Variants in TBC1D30 observed in about 807,000 individuals in gnomAD.
TBC1D30 encodes TBC1 domain family, member 30.
In TBC1D30, 31 loss-of-function variants were observed where a neutral mutation model predicts 63.2. That is an observed-to-expected ratio of 0.49 (90% confidence interval 0.37 to 0.66). TBC1D30 has a LOEUF of 0.66. Among genes scored for constraint, TBC1D30 ranks in the 30% least tolerant of loss-of-function variants. The pLI, the probability that TBC1D30 is intolerant of heterozygous loss-of-function variation, is 0.00. For synonymous variants in TBC1D30, 307 were observed against 361.5 expected (o/e 0.85, Z 1.71); for missense variants, 810 against 953.6 (o/e 0.85, Z 1.98).
intron 11 of TBC1D30, among the ~76,000 whole-genome samples, chr12:64,874,061 C>T (rs1239213290): frequency 1.3e-5 from 2 of 152,158 alleles, no homozygotes; most frequent in East Asian, 1.9e-4. Context: ...ATAATGCCAT[C>T]GACAGTGCCT....
At chr12:64,822,619 C>T (rs1353956599), upstream of TBC1D30, among the ~76,000 whole-genome samples, 2 of 151,966 alleles carry the variant, frequency 1.3e-5, no homozygotes, top group East Asian at 3.9e-4. Flanking sequence ...CCACCTCAGC[C>T]TCCTGAGTAG....
Position 64,877,566 on chromosome 12 carries a change from G to C in TBC1D30, c.*1778G>C, listed in dbSNP as rs1354673504. 1 of 152,124 alleles carries C rather than the reference G, an allele frequency of 6.6e-6. No individual in the cohort carries two copies. The highest frequency in any genetic ancestry group is 1.9e-4 in the East Asian group (1 of 5,198). The allele number at this position is 152,124 out of a possible 1,614,324, so 9.4% of individuals were successfully genotyped here. A position where few individuals can be genotyped will look rare whatever the true frequency, so the allele number is the denominator to read the frequency against. On this transcript the variant is annotated 3_prime_UTR_variant, in exon 12 of 12. Coordinates refer to ENST00000539867, the MANE Select transcript of TBC1D30 (RefSeq NM_015279.2). ...TGACTAATAAGTTATTGCAGTTTTGGTCTTGAATTCTGTGCCATCTGAAGT... is the reference window on the plus strand; with the variant it reads ...TGACTAATAAGTTATTGCAGTTTTGCTCTTGAATTCTGTGCCATCTGAAGT...
exon 1 of TBC1D30, chr12:64,759,492 C>G (rs949678791): frequency 7.7e-6 from 4 of 522,468 alleles, no homozygotes; most frequent in Non-Finnish European, 1.3e-5. Flanking sequence ...GTGGGCGGGG[C>G]TGCGGACTGG....
Position 64,830,516 on chromosome 12 carries a change from A to G in TBC1D30, c.408+14A>G. On this transcript the variant is annotated intron_variant, in intron 4 of 11. Transcript: ENST00000539867. ...CAGATAGTCAAGGTAATGCCCCTGA[A>G]CTTGGCCTGTCATCCTAATATAGAA... is the stretch of plus-strand genomic sequence containing the variant. 6.6e-7 allele frequency: 1 copy of G among 1,518,772 alleles called. No individual in the cohort carries two copies. The highest frequency in any genetic ancestry group is 8.8e-7 in the Non-Finnish European group (1 of 1,134,414). 94.1% of individuals were successfully genotyped at this position (1,518,772 alleles called of 1,614,324 possible).
At chr12:64,811,494 A>G (rs1283713489) in intron 2 of TBC1D30, among the ~76,000 whole-genome samples, 2 of 152,224 alleles carry the variant, frequency 1.3e-5, no homozygotes, top group Non-Finnish European at 2.9e-5. Context: ...TCATGTCTGC[A>G]GTTTCTAAGG....
At position 64,870,757 on chromosome 12, in the gene TBC1D30, C is replaced by G; in HGVS notation, c.1447C>G (p.Arg483Gly). The change falls in exon 11 of 12, where the codon CGA (arginine) becomes GGA (glycine). Residue 483 changes from arginine to glycine, a missense_variant. Physicochemically the swap from Arg to Gly is moderately radical, Grantham distance 125. Transcript: ENST00000539867. ...CAATGCACTGAAGCGGCAGTACTCT[C>G]GAATTAAAAAGAAGCAACAGCAGCA... is the stretch of plus-strand genomic sequence containing the variant. ...DINALKRQYS[R>G]IKKKQQQQVH... 6.5e-7 allele frequency: 1 copy of G among 1,535,952 alleles called. No individual in the cohort carries two copies. The highest frequency in any genetic ancestry group is 8.7e-7 in the Non-Finnish European group (1 of 1,146,856).
At chr12:64,796,232 T>G (rs1203525669) in intron 2 of TBC1D30, among the ~76,000 whole-genome samples, 1 of 152,044 alleles carries the variant, frequency 6.6e-6, no homozygotes, top group African/African-American at 2.4e-5. Context: ...AACTGAATCT[T>G]AGTCACGGTA....
chr12:64,868,962 T>G (rs773191616), intron 10 of TBC1D30, among the ~76,000 whole-genome samples: 27 of 152,144 alleles, frequency 1.8e-4, no homozygotes, highest in Non-Finnish European at 2.9e-4. Flanking sequence ...CTGAATCACA[T>G]GCATGTTTTA....
chr12:64,806,484 C>T (rs1056580062), intron 2 of TBC1D30, among the ~76,000 whole-genome samples: 1 of 152,122 alleles, frequency 6.6e-6, no homozygotes, highest in African/African-American at 2.4e-5. Flanking sequence ...AGCTCACATC[C>T]ATTAGGAGCT....
At chr12:64,821,208 A>G (rs1009698495), upstream of TBC1D30, among the ~76,000 whole-genome samples, 1 of 152,270 alleles carries the variant, frequency 6.6e-6, no homozygotes, top group African/African-American at 2.4e-5. Context: ...AAGTGAACTC[A>G]GGGGTATTGA....
chr12:64,786,879 G>A (rs368994789), intron 2 of TBC1D30, among the ~76,000 whole-genome samples: 1 of 151,726 alleles, frequency 6.6e-6, no homozygotes, highest in East Asian at 1.9e-4. Flanking sequence ...GGAGGCAGAG[G>A]TTGCAGTGAA....
intron 11 of TBC1D30, among the ~76,000 whole-genome samples, chr12:64,873,559 G>A (rs1282971100): frequency 6.6e-6 from 1 of 152,126 alleles, no homozygotes. Context: ...ACACATGAGG[G>A]GTTGTGAGGA....
At chr12:64,765,522 T>TAAAAAAA (rs1870679957) in intron 1 of TBC1D30, among the ~76,000 whole-genome samples, 1 of 63,776 alleles carries the variant, frequency 1.6e-5, no homozygotes, top group Non-Finnish European at 3.3e-5. Context: ...AAAAAAAAAT[T>TAAAAAAA]ACTATATAGG....
intron 2 of TBC1D30, among the ~76,000 whole-genome samples, chr12:64,802,646 C>T (rs1201059065): frequency 6.6e-6 from 1 of 152,062 alleles, no homozygotes; most frequent in African/African-American, 2.4e-5. Flanking sequence ...ATCCCTCCCC[C>T]GTCCCCCACC....
rs990914890 is a variant in TBC1D30, at chr12:64,761,064, C to T, written c.-376+1415C>T. Among the ~76,000 whole-genome samples, 8 of 152,008 alleles carry T rather than the reference C, an allele frequency of 5.3e-5. No individual in the cohort carries two copies. In the East Asian group the frequency reaches 1.2e-3, roughly 22 times the overall value. On this transcript the variant is annotated intron_variant, in intron 1 of 13. Transcript: ENST00000674237. The stretch of plus-strand genomic sequence containing the variant: ...GTTTTTCTGCAAGAAACAATTATGC[C>T]GGAAGTGTGGTCAGAGCAGTTCCTA...
intron 7 of TBC1D30, among the ~76,000 whole-genome samples, chr12:64,842,812 T>C (rs1474859749): frequency 6.6e-6 from 1 of 151,208 alleles, no homozygotes; most frequent in Non-Finnish European, 1.5e-5. Flanking sequence ...TTGTGTCCCA[T>C]GGAAGCAATA....
At chr12:64,792,332 C>T (rs2136303897) in intron 2 of TBC1D30, among the ~76,000 whole-genome samples, 1 of 152,320 alleles carries the variant, frequency 6.6e-6, no homozygotes, top group East Asian at 1.9e-4. Context: ...TTTATACTTT[C>T]TCCACTTCCT....
intron 11 of TBC1D30, among the ~76,000 whole-genome samples, chr12:64,874,328 T>A (rs1878877851): frequency 6.6e-6 from 1 of 152,164 alleles, no homozygotes; most frequent in African/African-American, 2.4e-5. Flanking sequence ...CCTCAAGTGA[T>A]CCTCCTGCCT....
Position 64,770,279 on chromosome 12 carries a change from G to GT in TBC1D30, c.-376+10641dup, listed in dbSNP as rs112019723. 5.1e-3 allele frequency among the ~76,000 whole-genome samples: 729 copies of GT among 144,288 alleles called. 5 individuals carry two copies. The highest frequency in any genetic ancestry group is 0.015 in the African/African-American group (603 of 39,846). 94.7% of individuals were successfully genotyped at this position (144,288 alleles called of 152,430 possible). ...TTATTACAATGTCTGAGTATGCTTT[G>GT]TTTTTTTTTTTGGTAACAATTTACT... On this transcript the variant is annotated intron_variant, in intron 1 of 13. Transcript: ENST00000674237.
Sources: gnomAD v4.1 joint callset for allele counts (sites outside exome capture counted in the v4.1 genomes callset) on GRCh38, gnomAD v4.1.1 for gene constraint, MANE v1.5 for transcripts, NCBI Gene and HGNC (gene_info 2026-07-23, HGNC 2026-07-21) for gene names.